The following SDK1 variants were observed in gnomAD, a reference collection of about 807,000 sequenced individuals.
SDK1 encodes sidekick cell adhesion molecule 1.
In SDK1, 157 loss-of-function variants were observed where a neutral mutation model predicts 245.5. The observed-to-expected ratio is 0.64, with a 90% CI of 0.56 to 0.73. SDK1 has a LOEUF of 0.73. Ranked by LOEUF, SDK1 falls within the 30% of genes least tolerant of loss-of-function variation. The pLI, the probability that SDK1 is intolerant of heterozygous loss-of-function variation, is 0.00. For missense variants in SDK1, 3,583 were observed against 3,002.3 expected, an observed-to-expected ratio of 1.19 and a Z score of -4.52; for synonymous variants, 1,647 against 1,278.5, an observed-to-expected ratio of 1.29 and a Z score of -6.15.
At chr7:3,864,749 T>C (rs1583490116) in intron 5 of SDK1, among the ~76,000 whole-genome samples, 1 of 152,194 alleles carries the variant, frequency 6.6e-6, no homozygotes, top group Middle Eastern at 3.4e-3. Context: ...ATACACCCTG[T>C]TTATTGCTCC....
chr7:4,215,385 TC>T (rs980628347), intron 38 of SDK1, among the ~76,000 whole-genome samples: 3 of 152,226 alleles, frequency 2.0e-5, no homozygotes, highest in African/African-American at 7.2e-5. Context: ...GCCACGGGAT[TC>T]GCTTCAGCCA....
chr7:3,388,671 A>C (rs1781670436), intron 1 of SDK1, among the ~76,000 whole-genome samples: 1 of 152,202 alleles, frequency 6.6e-6, no homozygotes, highest in African/African-American at 2.4e-5. Context: ...TGGAGATGAG[A>C]TATTAAAAAT....
At chr7:3,331,547 A>G (rs575318773) in intron 1 of SDK1, among the ~76,000 whole-genome samples, 18 of 152,088 alleles carry the variant, frequency 1.2e-4, no homozygotes, top group Non-Finnish European at 2.4e-4. Context: ...TTTATCAGGT[A>G]TGATTTTCAA....
At chr7:3,628,080 T>A (rs1295451506) in intron 2 of SDK1, among the ~76,000 whole-genome samples, 1 of 152,124 alleles carries the variant, frequency 6.6e-6, no homozygotes, top group Non-Finnish European at 1.5e-5. Flanking sequence ...GCGCTCCCTT[T>A]GGCCACGCAT....
chr7:3,923,152 A>G (rs1779652807), intron 5 of SDK1, among the ~76,000 whole-genome samples: 1 of 152,208 alleles, frequency 6.6e-6, no homozygotes, highest in Non-Finnish European at 1.5e-5. Flanking sequence ...ACTCCTCTCA[A>G]TGAGTTATTT....
intron 4 of SDK1, among the ~76,000 whole-genome samples, chr7:3,763,406 C>T (rs1453632365): frequency 6.6e-6 from 1 of 152,130 alleles, no homozygotes; most frequent in Non-Finnish European, 1.5e-5. Flanking sequence ...TCCATATACT[C>T]ACCACCTAGA....
chr7:3,661,282 T>C (rs959157943), intron 4 of SDK1, among the ~76,000 whole-genome samples: 9 of 152,260 alleles, frequency 5.9e-5, no homozygotes, highest in Non-Finnish European at 1.0e-4. Context: ...TTGAATCTGC[T>C]ATGTATGGAT....
Position 3,678,711 on chromosome 7 carries a change from A to T in SDK1, c.713+36606A>T, listed in dbSNP as rs915358336. Among the ~76,000 whole-genome samples, 10 of 152,204 alleles carry T rather than the reference A, an allele frequency of 6.6e-5. No homozygotes were observed. In the South Asian group the frequency reaches 1.5e-3, roughly 22 times the overall value. ...AAAGTTCTGGATAGAAATAGTGGTG[A>T]TATGCACAACACTGTGAATGTACTT... On this transcript the variant is annotated intron_variant, in intron 4 of 44. Coordinates refer to ENST00000404826, the MANE Select transcript of SDK1 (RefSeq NM_152744.4).
intron 5 of SDK1, among the ~76,000 whole-genome samples, chr7:3,901,799 T>G (rs977618251): frequency 2.6e-5 from 4 of 152,250 alleles, no homozygotes; most frequent in African/African-American, 7.2e-5. Context: ...TCTTCTTCTG[T>G]AAGGAACTCC....
At chr7:3,943,791 C>T (rs1780467689) in intron 5 of SDK1, among the ~76,000 whole-genome samples, 1 of 152,164 alleles carries the variant, frequency 6.6e-6, no homozygotes, top group Non-Finnish European at 1.5e-5. Context: ...GCTTCTCCCT[C>T]CTCAGCCTCT....
intron 13 of SDK1, among the ~76,000 whole-genome samples, chr7:3,981,540 A>T (rs1462386668): frequency 6.6e-6 from 1 of 152,242 alleles, no homozygotes; most frequent in East Asian, 1.9e-4. Flanking sequence ...TGCCCCAGTT[A>T]GCCAAGCTGT....
chr7:4,052,349 C>A (rs1022467360), intron 19 of SDK1, among the ~76,000 whole-genome samples: 1 of 151,858 alleles, frequency 6.6e-6, no homozygotes, highest in South Asian at 2.1e-4. Flanking sequence ...ATGAAGTTAC[C>A]CCGAGAAAAT....
At chr7:3,709,782 T>C (rs1189659355) in intron 4 of SDK1, among the ~76,000 whole-genome samples, 1 of 152,242 alleles carries the variant, frequency 6.6e-6, no homozygotes, top group Non-Finnish European at 1.5e-5. Context: ...CTTTGCAAGA[T>C]GAACCAAACT....
intron 1 of SDK1, among the ~76,000 whole-genome samples, chr7:3,608,788 T>A (rs1213788205): frequency 2.6e-5 from 4 of 152,194 alleles, no homozygotes; most frequent in African/African-American, 4.8e-5. Context: ...GGTTTCAGAG[T>A]CCGCGTTGCA....
intron 4 of SDK1, among the ~76,000 whole-genome samples, chr7:3,804,647 G>A (rs1428610481): frequency 2.6e-5 from 4 of 152,080 alleles, no homozygotes; most frequent in East Asian, 1.9e-4. Context: ...AGGCCTGTTC[G>A]GACAAAACCA....
chr7:3,670,730 T>G (rs916805768), intron 4 of SDK1, among the ~76,000 whole-genome samples: 2 of 152,240 alleles, frequency 1.3e-5, no homozygotes, highest in African/African-American at 4.8e-5. Flanking sequence ...TGCTTAGTAC[T>G]GACTTATCCT....
intron 16 of SDK1, among the ~76,000 whole-genome samples, chr7:4,013,440 C>A (rs991845275): frequency 6.6e-6 from 1 of 152,196 alleles, no homozygotes; most frequent in Non-Finnish European, 1.5e-5. Flanking sequence ...TCCGCTTATT[C>A]CCTTCCTGGG....
chr7:3,883,776 T>C (rs898639805), intron 5 of SDK1, among the ~76,000 whole-genome samples: 4 of 146,444 alleles, frequency 2.7e-5, no homozygotes, highest in African/African-American at 1.0e-4. Flanking sequence ...ATACAGTCCT[T>C]CCTCCATTCC....
chr7:3,628,532 G>T (rs1425647081), intron 2 of SDK1, among the ~76,000 whole-genome samples: 1 of 152,072 alleles, frequency 6.6e-6, no homozygotes, highest in Non-Finnish European at 1.5e-5. Context: ...GGCTACTAGA[G>T]ACTCCCCACA....
Sources: gnomAD v4.1 joint callset for allele counts (sites outside exome capture counted in the v4.1 genomes callset) on GRCh38, gnomAD v4.1.1 for gene constraint, MANE v1.5 for transcripts, NCBI Gene and HGNC (gene_info 2026-07-23, HGNC 2026-07-21) for gene names.